The following SHANK2 variants were observed in gnomAD, a reference collection of about 807,000 sequenced individuals.
SHANK2 encodes SH3 and multiple ankyrin repeat domains 2.
Under a neutral mutation model 133.7 loss-of-function variants are expected in SHANK2, and 43 were observed. The observed-to-expected ratio is 0.32, with a 90% CI of 0.25 to 0.41. The LOEUF (loss-of-function observed/expected upper bound fraction) is 0.41, where lower values mean the gene tolerates loss of function less well. Among genes scored for constraint, SHANK2 ranks in the 10% least tolerant of loss-of-function variants. The pLI, the probability that SHANK2 is intolerant of heterozygous loss-of-function variation, is 1.00. For missense variants in SHANK2, 1,994 were observed against 2,235.8 expected, an observed-to-expected ratio of 0.89 and a Z score of 2.18; for synonymous variants, 1,017 against 952.8, an observed-to-expected ratio of 1.07 and a Z score of -1.24.
intron 14 of SHANK2, among the ~76,000 whole-genome samples, chr11:70,772,192 C>T (rs556915373): frequency 6.6e-6 from 1 of 152,256 alleles, no homozygotes; most frequent in South Asian, 2.1e-4. Flanking sequence ...GAAATCCTAG[C>T]ACTTTGGGAG....
intron 15 of SHANK2, among the ~76,000 whole-genome samples, chr11:70,680,528 T>C (rs1945005332): frequency 1.3e-5 from 2 of 152,160 alleles, no homozygotes. Context: ...CCCCCTGCCC[T>C]CTGATGAGGA....
chr11:70,862,260 CA>C (rs1174429597), intron 11 of SHANK2, among the ~76,000 whole-genome samples: 10 of 152,198 alleles, frequency 6.6e-5, no homozygotes, highest in Non-Finnish European at 1.2e-4. Flanking sequence ...TTAAGTGTCT[CA>C]GGGGGAGGGT....
chr11:70,687,253 C>G (rs1945176413), intron 15 of SHANK2, among the ~76,000 whole-genome samples: 1 of 152,262 alleles, frequency 6.6e-6, no homozygotes, highest in Non-Finnish European at 1.5e-5. Context: ...ACCAGGACCC[C>G]TGGCACCTGA....
chr11:70,640,988 G>C (rs2061171064), intron 17 of SHANK2, among the ~76,000 whole-genome samples: 1 of 152,168 alleles, frequency 6.6e-6, no homozygotes, highest in South Asian at 2.1e-4. Context: ...ACATGGGCTG[G>C]CTACTGCCTG....
At chr11:71,096,071 C>A (rs564811542) in intron 6 of SHANK2, among the ~76,000 whole-genome samples, 1 of 149,580 alleles carries the variant, frequency 6.7e-6, no homozygotes, top group East Asian at 2.0e-4. Context: ...TCCTGTCTTC[C>A]CCAACTAGGA....
rs150609396 is a variant in SHANK2, at chr11:71,202,905, G to A, written c.-13+21792C>T. Among the ~76,000 whole-genome samples, 345 of 152,342 alleles carry A rather than the reference G, an allele frequency of 2.3e-3. 1 individual carries two copies. Among genetic ancestry groups the A allele is most frequent in the African/African-American group, 8.0e-3 (331 of 41,570 alleles). ...CATGGGAAACTGCCTTGGAAAAAACGGAGCCAGATGCCACCAGGATAGTTG... is the reference window on the plus strand; with the variant it reads ...CATGGGAAACTGCCTTGGAAAAAACAGAGCCAGATGCCACCAGGATAGTTG... On this transcript the variant is annotated intron_variant, in intron 2 of 25. Coordinates refer to ENST00000601538, the MANE Select transcript of SHANK2 (RefSeq NM_012309.5).
chr11:70,673,469 G>A (rs1330042517), intron 15 of SHANK2, among the ~76,000 whole-genome samples: 2 of 152,246 alleles, frequency 1.3e-5, no homozygotes, highest in African/African-American at 4.8e-5. Flanking sequence ...CATGGGACAG[G>A]CCACAGGGGT....
intron 9 of SHANK2, among the ~76,000 whole-genome samples, chr11:71,073,155 T>TTTTTTTTTTTTTTTTTTTTTTTTTTG (rs1951169295): frequency 1.3e-5 from 1 of 78,510 alleles, no homozygotes; most frequent in South Asian, 5.3e-4. Context: ...TTCTTTTTTT[T>TTTTTTTTTTTTTTTTTTTTTTTTTTG]CTTTTTTTTC....
chr11:70,732,926 T>C (rs1364345857), intron 14 of SHANK2, among the ~76,000 whole-genome samples: 2 of 152,210 alleles, frequency 1.3e-5, no homozygotes, highest in African/African-American at 2.4e-5. Context: ...CTGGAAATGG[T>C]GTCTGGCACA....
At chr11:71,116,149 C>T (rs1460232728) in intron 4 of SHANK2, among the ~76,000 whole-genome samples, 1 of 152,222 alleles carries the variant, frequency 6.6e-6, no homozygotes, top group Non-Finnish European at 1.5e-5. Context: ...GCGGCATCAC[C>T]TTAGCCCTGG....
chr11:70,612,478 T>C (rs1353581929), intron 17 of SHANK2, among the ~76,000 whole-genome samples: 7 of 152,252 alleles, frequency 4.6e-5, no homozygotes, highest in Non-Finnish European at 8.8e-5. Flanking sequence ...ATACATATTC[T>C]TGGGGGTGTT....
chr11:71,200,819 A>G (rs1954003340), intron 2 of SHANK2, among the ~76,000 whole-genome samples: 1 of 143,770 alleles, frequency 7.0e-6, no homozygotes, highest in Admixed American at 7.1e-5. Context: ...AGAGGTATCA[A>G]GTCTCAATTA....
Position 70,881,194 on chromosome 11 carries a change from C to T in SHANK2, c.1174+15307G>A, listed in dbSNP as rs139585108. ...TTGGGATTACAGGCCTGCACCACCACGCTTGGCTAATTATTTTATTTTCTA... is the reference window on the plus strand; with the variant it reads ...TTGGGATTACAGGCCTGCACCACCATGCTTGGCTAATTATTTTATTTTCTA... On this transcript the variant is annotated intron_variant, in intron 11 of 25. Transcript: ENST00000601538. Among the ~76,000 whole-genome samples, 980 of 152,196 alleles carry T rather than the reference C, an allele frequency of 6.4e-3. 8 individuals carry two copies. Among genetic ancestry groups the T allele is most frequent in the African/African-American group, 0.021 (883 of 41,530 alleles).
chr11:71,188,810 G>C lies in SHANK2; in HGVS notation c.-13+35887C>G, dbSNP rs1159974310. On this transcript the variant is annotated intron_variant, in intron 2 of 25. Transcript: ENST00000601538. The surrounding 1 kb of genome is among the most constrained non-coding windows in gnomAD (Gnocchi z 4.6). ...TACGACCACCTCCAAATGGAGCTAAGGCCTACGTGGTTTCTCAGGGACCCT... is the reference window on the plus strand; with the variant it reads ...TACGACCACCTCCAAATGGAGCTAACGCCTACGTGGTTTCTCAGGGACCCT... Among the ~76,000 whole-genome samples, 3 of 152,184 alleles carry C rather than the reference G, an allele frequency of 2.0e-5. No homozygotes were observed. Among genetic ancestry groups the C allele is most frequent in the African/African-American group, 7.2e-5 (3 of 41,446 alleles).
At chr11:71,167,046 C>T (rs1418614616) in intron 2 of SHANK2, among the ~76,000 whole-genome samples, 8 of 150,684 alleles carry the variant, frequency 5.3e-5, no homozygotes, top group Non-Finnish European at 3.0e-5. Flanking sequence ...TTGCACTGCC[C>T]TTAATCCATT....
intron 8 of SHANK2, among the ~76,000 whole-genome samples, chr11:71,085,089 AG>A (rs1951360149): frequency 6.6e-6 from 1 of 152,126 alleles, no homozygotes; most frequent in Admixed American, 6.6e-5. Context: ...TGTTCATTAA[AG>A]GAAATCTGAA....
chr11:71,071,453 T>C (rs1031065427), intron 9 of SHANK2, among the ~76,000 whole-genome samples: 2 of 152,210 alleles, frequency 1.3e-5, no homozygotes, highest in Non-Finnish European at 2.9e-5. Flanking sequence ...TATCCACACG[T>C]GCTTCCTCTC....
intron 10 of SHANK2, chr11:70,942,736 C>A (rs1950665160): frequency 2.2e-6 from 1 of 456,214 alleles, no homozygotes; most frequent in African/African-American, 2.0e-5. Context: ...ATCAGTTGCA[C>A]TCTGCCCTCA....
At chr11:70,658,158 A>G (rs1355579782) in intron 17 of SHANK2, among the ~76,000 whole-genome samples, 8 of 143,438 alleles carry the variant, frequency 5.6e-5, no homozygotes, top group Non-Finnish European at 1.1e-4. Flanking sequence ...ACACTCTTAC[A>G]CCACCTATAG....
Sources: gnomAD v4.1 joint callset for allele counts (sites outside exome capture counted in the v4.1 genomes callset) on GRCh38, gnomAD v4.1.1 for gene constraint, Gnocchi (gnomAD v3.1) non-coding constraint, MANE v1.5 for transcripts, NCBI Gene and HGNC (gene_info 2026-07-23, HGNC 2026-07-21) for gene names.